Variants in ARHGAP26 observed in about 807,000 individuals in gnomAD.
The protein encoded by ARHGAP26 is rho GTPase-activating protein 26.
In ARHGAP26, 38 loss-of-function variants were observed where a neutral mutation model predicts 104.8. The ratio of observed to expected loss-of-function variants is 0.36; its 90% confidence interval spans 0.28 to 0.48. The LOEUF is 0.48. ARHGAP26 is among the 20% of genes least tolerant of loss of function. The pLI is 0.99. For missense variants in ARHGAP26, 704 were observed against 947.9 expected (o/e 0.74, Z 3.38); for synonymous variants, 341 against 340.0 (o/e 1.00, Z -0.03).
At chr5:142,815,546 G>A (rs139491117) in intron 1 of ARHGAP26, among the ~76,000 whole-genome samples, 50 of 152,320 alleles carry the variant, frequency 3.3e-4, no homozygotes, top group African/African-American at 1.2e-3. Flanking sequence ...TAAGTGATGA[G>A]GGTCATGGAT....
intron 9 of ARHGAP26, among the ~76,000 whole-genome samples, chr5:142,912,390 C>T (rs1047797569): frequency 6.6e-6 from 1 of 152,078 alleles, no homozygotes. Flanking sequence ...GCAGATTCAG[C>T]GATTGCTTGG....
chr5:142,854,443 A>C (rs1287748628), intron 1 of ARHGAP26, among the ~76,000 whole-genome samples: 1 of 152,182 alleles, frequency 6.6e-6, no homozygotes, highest in Non-Finnish European at 1.5e-5. Context: ...CGTAAGGACT[A>C]TGTCAGTTTT....
intron 11 of ARHGAP26, among the ~76,000 whole-genome samples, chr5:143,007,342 G>T (rs1440592065): frequency 6.6e-6 from 1 of 152,104 alleles, no homozygotes; most frequent in Non-Finnish European, 1.5e-5. Context: ...TTTTAGGAGG[G>T]TTGTTTTTTG....
At chr5:142,803,012 C>T (rs923049960) in intron 1 of ARHGAP26, among the ~76,000 whole-genome samples, 9 of 152,080 alleles carry the variant, frequency 5.9e-5, no homozygotes, top group Non-Finnish European at 1.2e-4. Flanking sequence ...TGTGTAGTGG[C>T]GGGGAGATAC....
intron 17 of ARHGAP26, among the ~76,000 whole-genome samples, chr5:143,111,506 G>A (rs1794767515): frequency 6.6e-6 from 1 of 152,210 alleles, no homozygotes; most frequent in Non-Finnish European, 1.5e-5. Flanking sequence ...GATCACATGA[G>A]ATAATTGAGG....
At chr5:143,052,333 G>T (rs1387334153) in intron 14 of ARHGAP26, among the ~76,000 whole-genome samples, 1 of 152,140 alleles carries the variant, frequency 6.6e-6, no homozygotes, top group South Asian at 2.1e-4. Context: ...AGCTGGGCAT[G>T]GTGGCACATG....
intron 17 of ARHGAP26, among the ~76,000 whole-genome samples, chr5:143,099,266 C>T (rs1447612998): frequency 6.6e-6 from 1 of 152,118 alleles, no homozygotes; most frequent in Non-Finnish European, 1.5e-5. Context: ...ATTATATTCC[C>T]AGAAAGTAAG....
At chr5:142,803,200 A>G (rs1190739914) in intron 1 of ARHGAP26, among the ~76,000 whole-genome samples, 1 of 152,246 alleles carries the variant, frequency 6.6e-6, no homozygotes, top group East Asian at 1.9e-4. Flanking sequence ...GCCAGATAAA[A>G]TATGGGACAC....
At chr5:142,869,959 A>G (rs1309216933) in intron 1 of ARHGAP26, among the ~76,000 whole-genome samples, 1 of 152,158 alleles carries the variant, frequency 6.6e-6, no homozygotes, top group Non-Finnish European at 1.5e-5. Context: ...TCACTCAGAG[A>G]AGCACAGCCC....
At chr5:142,810,885 T>C (rs1220829583) in intron 1 of ARHGAP26, among the ~76,000 whole-genome samples, 1 of 152,242 alleles carries the variant, frequency 6.6e-6, no homozygotes, top group Non-Finnish European at 1.5e-5. Flanking sequence ...CGATTTGTGG[T>C]ATGCAAGGAC....
At chr5:143,148,533 G>A (rs1308475557) in intron 20 of ARHGAP26, among the ~76,000 whole-genome samples, 1 of 152,162 alleles carries the variant, frequency 6.6e-6, no homozygotes, top group Non-Finnish European at 1.5e-5. Context: ...TTAGTTGTTG[G>A]CAGCTTTAAA....
Position 142,870,482 on chromosome 5 carries a change from A to G in ARHGAP26, c.155-2918A>G, listed in dbSNP as rs148604145. 9.3e-4 allele frequency among the ~76,000 whole-genome samples: 142 copies of G among 152,352 alleles called. 1 individual carries two copies. The highest frequency in any genetic ancestry group is 7.4e-3 in the Admixed American group (113 of 15,306). On this transcript the variant is annotated intron_variant, in intron 1 of 22. Transcript: ENST00000645722. ...ACATACTACAAGGATCTCAGTTCAC[A>G]GGACTTAAGTCACAGGTCCTCTCCT...
intron 20 of ARHGAP26, among the ~76,000 whole-genome samples, chr5:143,192,291 GC>G (rs1454028881): frequency 3.3e-5 from 5 of 152,222 alleles, no homozygotes; most frequent in African/African-American, 1.2e-4. Flanking sequence ...TGGCGGATGA[GC>G]AGTGGTTACA....
Position 143,183,713 on chromosome 5 carries a change from G to A in ARHGAP26, c.1989-23485G>A, listed in dbSNP as rs115871725. Among the ~76,000 whole-genome samples the A allele has an allele frequency of 6.6e-3, 998 of 152,332 alleles. 13 individuals carry two copies. Among genetic ancestry groups the A allele is most frequent in the African/African-American group, 0.023 (948 of 41,566 alleles). On this transcript the variant is annotated intron_variant, in intron 20 of 22. Coordinates refer to ENST00000645722, the MANE Select transcript of ARHGAP26 (RefSeq NM_001135608.3). Reference sequence around the variant, plus strand: ...CCTACCTCTGGTTATGGGCGAAGGCGTACCAGGGGAATGGCTTCCTCCACC... The same window carrying A: ...CCTACCTCTGGTTATGGGCGAAGGCATACCAGGGGAATGGCTTCCTCCACC...
intron 10 of ARHGAP26, among the ~76,000 whole-genome samples, chr5:142,929,413 GTTTTA>G: frequency 6.6e-6 from 1 of 152,232 alleles, no homozygotes; most frequent in African/African-American, 2.4e-5. Flanking sequence ...GGTTTTGCTT[GTTTTA>G]TTTTGTTTTG....
At chr5:142,817,796 A>G (rs1227971568) in intron 1 of ARHGAP26, among the ~76,000 whole-genome samples, 2 of 152,210 alleles carry the variant, frequency 1.3e-5, no homozygotes, top group Admixed American at 6.5e-5. Context: ...GAGTGGTTGT[A>G]TCAGCATTAT....
At chr5:142,955,127 C>CACACACAG (rs1176238341) in intron 11 of ARHGAP26, among the ~76,000 whole-genome samples, 1 of 149,588 alleles carries the variant, frequency 6.7e-6, no homozygotes, top group African/African-American at 2.5e-5. Context: ...CACACACACC[C>CACACACAG]CCCATCTCTG....
chr5:142,988,331 G>A (rs1775076578), intron 11 of ARHGAP26, among the ~76,000 whole-genome samples: 2 of 152,130 alleles, frequency 1.3e-5, no homozygotes, highest in Non-Finnish European at 2.9e-5. Context: ...GGGATTGGTG[G>A]TGATATCCCC....
intron 14 of ARHGAP26, among the ~76,000 whole-genome samples, chr5:143,052,921 C>T (rs1351906874): frequency 6.6e-6 from 1 of 152,152 alleles, no homozygotes; most frequent in Non-Finnish European, 1.5e-5. Flanking sequence ...AGTCTGGTGG[C>T]TGCCTCCCTT....
Sources: gnomAD v4.1 joint callset for allele counts (sites outside exome capture counted in the v4.1 genomes callset) on GRCh38, gnomAD v4.1.1 for gene constraint, MANE v1.5 for transcripts, NCBI Gene and HGNC (gene_info 2026-07-23, HGNC 2026-07-21) for gene names.